Variants in TLR2 observed in about 807,000 individuals in gnomAD.
TLR2 encodes the protein toll-like receptor 2.
TLR2 carries 7 observed loss-of-function variants against 9.1 expected under a neutral mutation model. The ratio of observed to expected loss-of-function variants is 0.77; its 90% CI spans 0.44 to 1.44. The LOEUF is 1.44. Among genes scored for constraint, TLR2 ranks in the 40% most tolerant of loss-of-function variants. The pLI is 0.01. For synonymous variants in TLR2, 317 were observed against 344.6 expected (o/e 0.92, Z 0.89); for missense variants, 812 against 904.6 (o/e 0.90, Z 1.31).
chr4:153,696,154 C>T (rs568516171), intron 2 of TLR2, among the ~76,000 whole-genome samples: 32 of 152,078 alleles, frequency 2.1e-4, no homozygotes, highest in Non-Finnish European at 8.8e-5. Flanking sequence ...TCTGGCTATT[C>T]TGGGTCTTTT....
At position 153,705,206 on chromosome 4, in the gene TLR2, G is replaced by A. The variant is rs1403278310; in HGVS notation, c.2299G>A (p.Asp767Asn). 3 of 1,609,644 alleles carry A rather than the reference G, an allele frequency of 1.9e-6. No homozygotes were observed. The highest frequency in any genetic ancestry group is 1.1e-5 in the South Asian group (1 of 90,800). The change falls in exon 3 of 3, where the codon GAC (aspartate) becomes AAC (asparagine). Residue 767 changes from aspartate to asparagine, a missense_variant. Asp to Asn is a conservative substitution (Grantham distance 23, BLOSUM62 1). Transcript: ENST00000642700. Reference protein sequence around the residue: ...NTKTYLEWPMDEAQREGFWVN... With the variant: ...NTKTYLEWPMNEAQREGFWVN... ...CAAGACCTACCTGGAGTGGCCCATG[G>A]ACGAGGCTCAGCGGGAAGGATTTTG...
Position 153,694,354 on chromosome 4 carries a change from A to G in TLR2, c.-17+6307A>G, listed in dbSNP as rs145582795. ...GTCATGGCCATCACAAACATGTCAC[A>G]GTGCTGCAGAGATTTTGTTTATGGC... On this transcript the variant is annotated intron_variant, in intron 2 of 2. Coordinates refer to ENST00000642700, the MANE Select transcript of TLR2 (RefSeq NM_001318789.2). Among the ~76,000 whole-genome samples, 760 of 152,326 alleles carry G rather than the reference A, an allele frequency of 5.0e-3. 7 individuals are homozygous for G. Among genetic ancestry groups the G allele is most frequent in the African/African-American group, 0.018 (729 of 41,584 alleles).
chr4:153,690,387 T>G (rs1736026544), intron 2 of TLR2, among the ~76,000 whole-genome samples: 1 of 152,256 alleles, frequency 6.6e-6, no homozygotes, highest in Non-Finnish European at 1.5e-5. Flanking sequence ...GTGTTTAATA[T>G]TCCATATAGA....
downstream of TLR2, among the ~76,000 whole-genome samples, chr4:153,708,317 T>C (rs1038730013): frequency 1.3e-5 from 2 of 152,232 alleles, no homozygotes; most frequent in Non-Finnish European, 2.9e-5. Flanking sequence ...TTCTTTTTTT[T>C]GTTTAACAGG....
At position 153,704,335 on chromosome 4, in the gene TLR2, G is replaced by T; in HGVS notation, c.1428G>T (p.Leu476Phe). The T allele has an allele frequency of 2.5e-6, 4 of 1,613,378 alleles. No individual in the cohort carries two copies. Among genetic ancestry groups the T allele is most frequent in the Non-Finnish European group, 3.4e-6 (4 of 1,179,846 alleles). ...NNNLNLFSLNLPQLKELYISR... is the reference protein window; with the variant it reads ...NNNLNLFSLNFPQLKELYISR... ...ATCTCAATTTATTTTCTTTGAATTT[G>T]CCGCAACTCAAAGAACTTTATATTT... is the stretch of plus-strand genomic sequence containing the variant. Residue 476 changes from leucine (L) to phenylalanine (F), a missense_variant, in exon 3 of 3, where the codon TTG (leucine) becomes TTT (phenylalanine). Transcript: ENST00000642700.
At chr4:153,696,371 G>T (rs918207985) in intron 2 of TLR2, among the ~76,000 whole-genome samples, 1 of 151,942 alleles carries the variant, frequency 6.6e-6, no homozygotes, top group Non-Finnish European at 1.5e-5. Context: ...AGTGTTTATA[G>T]TGTTTCTTTC....
At chr4:153,706,542 A>G (rs1170403139), downstream of TLR2, among the ~76,000 whole-genome samples, 1 of 152,226 alleles carries the variant, frequency 6.6e-6, no homozygotes, top group Admixed American at 6.5e-5. Flanking sequence ...ATACACAGTA[A>G]TTTAAAGGTA....
At chr4:153,692,817 T>C (rs568672522) in intron 2 of TLR2, among the ~76,000 whole-genome samples, 1 of 152,348 alleles carries the variant, frequency 6.6e-6, no homozygotes, top group Admixed American at 6.5e-5. Context: ...TTTGATATAC[T>C]TTAAGGGCTT....
At chr4:153,693,917 C>G (rs1174083706) in intron 2 of TLR2, among the ~76,000 whole-genome samples, 1 of 152,174 alleles carries the variant, frequency 6.6e-6, no homozygotes, top group Non-Finnish European at 1.5e-5. Context: ...TTGGGCGCCA[C>G]TTGCCGAGAC....
downstream of TLR2, among the ~76,000 whole-genome samples, chr4:153,709,720 G>A (rs1425075403): frequency 5.3e-5 from 8 of 152,350 alleles, no homozygotes; most frequent in East Asian, 3.9e-4. Context: ...GTGTGCACGC[G>A]CACGCAGAGT....
intron 2 of TLR2, among the ~76,000 whole-genome samples, chr4:153,699,932 C>G (rs1232541661): frequency 6.6e-6 from 1 of 152,148 alleles, no homozygotes; most frequent in Non-Finnish European, 1.5e-5. Context: ...ATACCTGAAG[C>G]TGGGTAATTT....
Position 153,703,796 on chromosome 4 carries a change from G to A in TLR2, c.889G>A (p.Ala297Thr), listed in dbSNP as rs1374917417. The change falls in exon 3 of 3, where the codon GCA becomes ACA. Residue 297 changes from alanine (A) to threonine (T), a missense_variant. By Grantham distance (58) the Ala-to-Thr change is moderately conservative. Transcript: ENST00000642700. ...CCTTAATGGAGTTGGTAATTTTAGA[G>A]CATCTGATAATGACAGAGTTATAGA... ...CTLNGVGNFR[A>T]SDNDRVIDPG... 6.2e-7 allele frequency: 1 copy of A among 1,613,956 alleles called. No individual in the cohort carries two copies. The highest frequency in any genetic ancestry group is 1.1e-5 in the South Asian group (1 of 91,030).
At chr4:153,685,896 G>A (rs1735668765) in intron 1 of TLR2, among the ~76,000 whole-genome samples, 1 of 152,296 alleles carries the variant, frequency 6.6e-6, no homozygotes, top group East Asian at 1.9e-4. Context: ...CTGAGACTGG[G>A]TAATTTACAA....
intron 2 of TLR2, among the ~76,000 whole-genome samples, chr4:153,692,371 G>A (rs1736182024): frequency 6.6e-6 from 1 of 152,186 alleles, no homozygotes; most frequent in African/African-American, 2.4e-5. Flanking sequence ...AGGGGAAAAT[G>A]TTGAGCTATG....
intron 2 of TLR2, 110 bp from the exon 3 acceptor site, chr4:153,702,762 TTGTGTGTGTGTGTGTGTGTG>T (rs141605367): frequency 0.014 from 5,735 of 416,036 alleles, 9 homozygotes; most frequent in East Asian, 0.06. Flanking sequence ...CTCTCTCTCT[TTGTGTGTGTGTGTGTGTGTG>T]TGTGTGTGTG....
chr4:153,702,987 CTCTG>C lies in TLR2; in HGVS notation c.84_87del (p.Ser29ValfsTer14), dbSNP rs776345385. ...AAGGAAGAATCCTCCAATCAGGCTT[CTCTG>C]TCTTGTGACCGCAATGGTATCTGCA... On this transcript the variant is annotated frameshift_variant, in exon 3 of 3. Transcript: ENST00000642700. LOFTEE classifies it low-confidence loss of function (END_TRUNC). 6.2e-7 allele frequency: 1 copy of C among 1,614,068 alleles called. No individual in the cohort carries two copies. Among genetic ancestry groups the C allele is most frequent in the South Asian group, 1.1e-5 (1 of 91,076 alleles).
intron 2 of TLR2, among the ~76,000 whole-genome samples, chr4:153,689,259 T>C (rs1164107185): frequency 6.6e-6 from 1 of 152,224 alleles, no homozygotes; most frequent in Non-Finnish European, 1.5e-5. Flanking sequence ...CACAAATCCT[T>C]ATGTTTAGCT....
chr4:153,696,549 G>T (rs78600574), intron 2 of TLR2, among the ~76,000 whole-genome samples: 1 of 152,042 alleles, frequency 6.6e-6, no homozygotes, highest in Non-Finnish European at 1.5e-5. Flanking sequence ...TGTTGATTTT[G>T]TATACTACAA....
intron 2 of TLR2, chr4:153,701,951 T>C (rs1009394607): frequency 6.6e-6 from 1 of 152,184 alleles, no homozygotes; most frequent in Non-Finnish European, 1.5e-5. Flanking sequence ...TTAGTTTTAC[T>C]CATAAAAAGT....
Sources: gnomAD v4.1 joint callset for allele counts (sites outside exome capture counted in the v4.1 genomes callset) on GRCh38, gnomAD v4.1.1 for gene constraint, MANE v1.5 for transcripts, NCBI Gene and HGNC (gene_info 2026-07-23, HGNC 2026-07-21) for gene names.